MYO1B: variants seen among roughly 807,000 people sequenced by gnomAD.
The protein encoded by MYO1B is unconventional myosin-Ib.
MYO1B carries 72 observed loss-of-function variants against 159.7 expected under a neutral mutation model. The ratio of observed to expected loss-of-function variants is 0.45; its 90% CI spans 0.37 to 0.55. MYO1B has a LOEUF of 0.55. MYO1B is among the 20% of genes least tolerant of loss of function. MYO1B has a pLI of 0.00. For missense variants in MYO1B, 1,062 were observed against 1,364.8 expected, an observed-to-expected ratio of 0.78 and a Z score of 3.50; for synonymous variants, 468 against 473.8, an observed-to-expected ratio of 0.99 and a Z score of 0.16.
At chr2:191,251,507 C>T (rs1686115267) in intron 1 of MYO1B, among the ~76,000 whole-genome samples, 1 of 152,208 alleles carries the variant, frequency 6.6e-6, no homozygotes, top group African/African-American at 2.4e-5. Flanking sequence ...TCCTTGATAG[C>T]TTAAGAGAGG....
intron 1 of MYO1B, among the ~76,000 whole-genome samples, chr2:191,266,304 G>A (rs1687136924): frequency 6.6e-6 from 1 of 152,200 alleles, no homozygotes; most frequent in Admixed American, 6.5e-5. Flanking sequence ...TGCTCTCTCA[G>A]TCAGGCTACA....
intron 7 of MYO1B, among the ~76,000 whole-genome samples, chr2:191,351,407 G>T (rs947584870): frequency 3.9e-5 from 6 of 151,958 alleles, no homozygotes; most frequent in African/African-American, 1.5e-4. Context: ...CCTAGCAGAA[G>T]AATGCCATTT....
chr2:191,288,554 T>C (rs1219478332), intron 2 of MYO1B, among the ~76,000 whole-genome samples: 2 of 152,208 alleles, frequency 1.3e-5, no homozygotes, highest in Non-Finnish European at 2.9e-5. Flanking sequence ...ATTTTATGTT[T>C]CTCTATCTAA....
intron 1 of MYO1B, among the ~76,000 whole-genome samples, chr2:191,247,582 A>G (rs1685865067): frequency 6.6e-6 from 1 of 152,224 alleles, no homozygotes; most frequent in African/African-American, 2.4e-5. Context: ...CATTAGAACT[A>G]ACACACTGCC....
At chr2:191,367,724 A>G (rs1244801055) in intron 11 of MYO1B, among the ~76,000 whole-genome samples, 1 of 152,210 alleles carries the variant, frequency 6.6e-6, no homozygotes, top group Non-Finnish European at 1.5e-5. Context: ...TTTTGAAATT[A>G]TGTGGTGTTT....
chr2:191,396,887 C>T (rs1469975490), intron 21 of MYO1B, among the ~76,000 whole-genome samples: 3 of 152,098 alleles, frequency 2.0e-5, no homozygotes, highest in Non-Finnish European at 4.4e-5. Flanking sequence ...ATCTTGCAGG[C>T]TACCCATCAC....
chr2:191,370,170 GC>G, intron 12 of MYO1B, 56 bp from the exon 13 acceptor site: 8 of 1,058,780 alleles, frequency 7.6e-6, no homozygotes, highest in Non-Finnish European at 1.0e-5. Flanking sequence ...TTCCTTGGAT[GC>G]TTGTAGTGTT....
intron 3 of MYO1B, among the ~76,000 whole-genome samples, chr2:191,322,666 T>G (rs185681116): frequency 3.1e-4 from 47 of 152,220 alleles, no homozygotes; most frequent in African/African-American, 9.6e-4. Context: ...ACCCCTTGTG[T>G]TTTAGATTAT....
At chr2:191,326,388 C>T (rs1000841847) in intron 3 of MYO1B, among the ~76,000 whole-genome samples, 2 of 151,950 alleles carry the variant, frequency 1.3e-5, no homozygotes, top group Non-Finnish European at 2.9e-5. Context: ...TTTGCCCCCA[C>T]CCCTTGTTTT....
intron 8 of MYO1B, 27 bp downstream of exon 8, chr2:191,360,756 GT>G: frequency 5.1e-5 from 58 of 1,127,626 alleles, no homozygotes; most frequent in Admixed American, 1.8e-4. Context: ...ATGTGGTGTT[GT>G]TGTTGTTGTT....
intron 1 of MYO1B, among the ~76,000 whole-genome samples, chr2:191,262,372 A>G (rs1158228610): frequency 6.6e-6 from 1 of 152,102 alleles, no homozygotes; most frequent in Non-Finnish European, 1.5e-5. Context: ...CCCTGCATTT[A>G]GTCGCTTTGC....
At chr2:191,273,737 A>G (rs2125729799) in intron 1 of MYO1B, among the ~76,000 whole-genome samples, 1 of 152,306 alleles carries the variant, frequency 6.6e-6, no homozygotes, top group East Asian at 1.9e-4. Context: ...GGGAGGAGGT[A>G]GATCTATAAC....
At chr2:191,349,384 T>G (rs1479579798) in intron 6 of MYO1B, among the ~76,000 whole-genome samples, 1 of 152,238 alleles carries the variant, frequency 6.6e-6, no homozygotes, top group African/African-American at 2.4e-5. Context: ...ATTAATGAGT[T>G]AAAGTAATTC....
At chr2:191,246,985 C>T (rs531372317) in intron 1 of MYO1B, among the ~76,000 whole-genome samples, 49 of 152,268 alleles carry the variant, frequency 3.2e-4, no homozygotes, top group South Asian at 2.9e-3. Flanking sequence ...GTTAAGTGAC[C>T]TTTCCTAGAT....
At chr2:191,323,477 T>C (rs1690857664) in intron 3 of MYO1B, among the ~76,000 whole-genome samples, 1 of 152,180 alleles carries the variant, frequency 6.6e-6, no homozygotes, top group African/African-American at 2.4e-5. Context: ...AACATTCAGA[T>C]AGTATGATTT....
At chr2:191,374,048 T>G (rs1447600324) in intron 13 of MYO1B, among the ~76,000 whole-genome samples, 2 of 152,152 alleles carry the variant, frequency 1.3e-5, no homozygotes, top group African/African-American at 4.8e-5. Flanking sequence ...TAATACAGAG[T>G]TACAGACGTG....
intron 2 of MYO1B, among the ~76,000 whole-genome samples, chr2:191,279,566 C>G (rs945793523): frequency 4.6e-5 from 7 of 152,050 alleles, no homozygotes; most frequent in African/African-American, 1.7e-4. Context: ...ACTCTCCAGC[C>G]CCACATGCCA....
chr2:191,325,211 G>A (rs1690974700), intron 3 of MYO1B, among the ~76,000 whole-genome samples: 1 of 152,232 alleles, frequency 6.6e-6, no homozygotes, highest in African/African-American at 2.4e-5. Context: ...AGCTAGTAAG[G>A]AAAAGAAATA....
chr2:191,401,400 T>A (rs765290730), intron 23 of MYO1B: 2 of 152,222 alleles, frequency 1.3e-5, no homozygotes, highest in African/African-American at 2.4e-5. Context: ...CACAGCTAGC[T>A]ATGATTGCCA....
Sources: allele counts gnomAD v4.1 joint callset (sites outside exome capture counted in the v4.1 genomes callset), GRCh38; gene constraint gnomAD v4.1.1; transcripts MANE v1.5; gene names NCBI Gene and HGNC (gene_info 2026-07-23, HGNC 2026-07-21).